The following ASCC1 variants were observed in gnomAD, a reference collection of about 807,000 sequenced individuals.
ASCC1 encodes the protein activating signal cointegrator 1 complex subunit 1, also known as ASC-1 complex subunit P50.
ASCC1 carries 35 observed loss-of-function variants against 46.6 expected under a neutral mutation model. The ratio of observed to expected loss-of-function variants is 0.75; its 90% CI spans 0.57 to 0.99. ASCC1 has a LOEUF of 0.99. ASCC1 is among the 50% of genes least tolerant of loss of function. ASCC1 has a pLI of 0.00. For missense variants in ASCC1, 376 were observed against 428.7 expected, an observed-to-expected ratio of 0.88 and a Z score of 1.09; for synonymous variants, 143 against 146.6, an observed-to-expected ratio of 0.98 and a Z score of 0.18.
Position 72,190,793 on chromosome 10 carries a change from C to T in ASCC1, c.489+6018G>A, listed in dbSNP as rs181194481. ...AAGACAGATCACGAGGTCAAGAGAT[C>T]GAGACCATCCTGGCCAACATGGTGA... On this transcript the variant is annotated intron_variant, in intron 5 of 9. Coordinates refer to ENST00000672957, the MANE Select transcript of ASCC1 (RefSeq NM_001198800.3). Among the ~76,000 whole-genome samples the T allele has an allele frequency of 7.2e-5, 11 of 151,814 alleles. No homozygotes were observed. The East Asian group carries it at 1.8e-3, about 25-fold the overall frequency.
chr10:72,123,877 T>G (rs1249415424), intron 9 of ASCC1, among the ~76,000 whole-genome samples: 1 of 152,246 alleles, frequency 6.6e-6, no homozygotes, highest in African/African-American at 2.4e-5. Flanking sequence ...GTTCATTTTA[T>G]GACTATTTGT....
rs138030710 is a variant in ASCC1 at position 72,196,904 on chromosome 10, G to A, written c.396C>T (p.Pro132=). Residue 132 remains proline, a synonymous_variant, in exon 5 of 10, where the codon CCC becomes CCT. Coordinates refer to ENST00000672957, the MANE Select transcript of ASCC1 (RefSeq NM_001198800.3). ...VLLDTFRRKQ[P]FTHFLAFFLN... ...GGAAAAAGGCAAGGAAGTGAGTGAAGGGCTGCTTTCTTCGAAAAGTGTCCA... is the reference window on the plus strand; with the variant it reads ...GGAAAAAGGCAAGGAAGTGAGTGAAAGGCTGCTTTCTTCGAAAAGTGTCCA... 1.9e-5 allele frequency: 31 copies of A among 1,613,610 alleles called. No homozygotes were observed. In the African/African-American group the frequency reaches 2.5e-4, roughly 13 times the overall value.
chr10:72,117,856 A>G (rs1413311367), intron 9 of ASCC1, among the ~76,000 whole-genome samples: 1 of 152,228 alleles, frequency 6.6e-6, no homozygotes, highest in African/African-American at 2.4e-5. Flanking sequence ...TACTTAAACA[A>G]TGTTAAAATA....
At chr10:72,204,111 G>A (rs772127703) in intron 3 of ASCC1, among the ~76,000 whole-genome samples, 4 of 152,164 alleles carry the variant, frequency 2.6e-5, no homozygotes, top group Non-Finnish European at 2.9e-5. Context: ...AACTGGGTGT[G>A]ACAGCAGGGT....
intron 6 of ASCC1, among the ~76,000 whole-genome samples, chr10:72,157,708 C>A (rs1185458850): frequency 6.6e-6 from 1 of 152,124 alleles, no homozygotes; most frequent in East Asian, 1.9e-4. Context: ...CACTACTGAA[C>A]TATGCACTTA....
chr10:72,121,565 C>T (rs917252444), intron 9 of ASCC1, among the ~76,000 whole-genome samples: 15 of 149,832 alleles, frequency 1.0e-4, no homozygotes, highest in Non-Finnish European at 1.8e-4. Context: ...AAAGATATAC[C>T]ATTCTAACAC....
chr10:72,133,641 A>G, intron 7 of ASCC1: 1 of 236,990 alleles, frequency 4.2e-6, no homozygotes, highest in East Asian at 1.1e-4. Context: ...GTGACAGAAA[A>G]GGGACAATGG....
In ASCC1 at chr10:72,153,123, T is replaced by C. The variant is rs1296752323; in HGVS notation, c.627-135A>G. On this transcript the variant is annotated intron_variant, in intron 6 of 9. Coordinates refer to ENST00000672957, the MANE Select transcript of ASCC1 (RefSeq NM_001198800.3). Reference sequence around the variant, plus strand: ...GTACAAAAACATGGTAGTTGTGTTTTTTCCTAACATTATCTAATTGCCCTT... The same window carrying C: ...GTACAAAAACATGGTAGTTGTGTTTCTTCCTAACATTATCTAATTGCCCTT... The C allele has an allele frequency of 3.5e-6, 4 of 1,141,636 alleles. No homozygotes were observed. In the East Asian group the frequency reaches 7.6e-5, roughly 22 times the overall value. 70.7% of individuals were successfully genotyped at this position (1,141,636 alleles called of 1,614,324 possible).
At chr10:72,118,740 T>C (rs936671120) in intron 9 of ASCC1, among the ~76,000 whole-genome samples, 10 of 150,260 alleles carry the variant, frequency 6.7e-5, no homozygotes, top group Non-Finnish European at 1.5e-4. Context: ...GATCGCACCA[T>C]TGCACTCCAG....
chr10:72,187,403 A>G (rs1853621556), intron 5 of ASCC1, among the ~76,000 whole-genome samples: 1 of 152,068 alleles, frequency 6.6e-6, no homozygotes, highest in Non-Finnish European at 1.5e-5. Flanking sequence ...GGAGATCGAG[A>G]CCATGACGGC....
intron 5 of ASCC1, among the ~76,000 whole-genome samples, chr10:72,162,497 G>A (rs113707145): frequency 6.6e-5 from 10 of 151,734 alleles, no homozygotes; most frequent in African/African-American, 2.2e-4. Flanking sequence ...TAAGAGACTG[G>A]GTCTTGCTGT....
At chr10:72,106,743 A>C (rs1842384923) in intron 9 of ASCC1, among the ~76,000 whole-genome samples, 1 of 152,208 alleles carries the variant, frequency 6.6e-6, no homozygotes, top group Non-Finnish European at 1.5e-5. Flanking sequence ...CTCCAAAAAA[A>C]TTGCTATGAT....
intron 9 of ASCC1, among the ~76,000 whole-genome samples, chr10:72,112,456 TG>T (rs1367192659): frequency 6.6e-6 from 1 of 151,866 alleles, no homozygotes; most frequent in East Asian, 1.9e-4. Context: ...AGTTTTAATT[TG>T]GAATGATGAA....
intron 9 of ASCC1, among the ~76,000 whole-genome samples, chr10:72,100,530 T>A (rs746211169): frequency 1.2e-4 from 18 of 151,308 alleles, no homozygotes; most frequent in South Asian, 8.4e-4. Flanking sequence ...CCCAGCCTAT[T>A]ATATCTTTAT....
intron 5 of ASCC1, among the ~76,000 whole-genome samples, chr10:72,187,890 C>T (rs112707766): frequency 0.15 from 21,447 of 147,264 alleles, 4,376 homozygotes; most frequent in African/African-American, 0.46. Flanking sequence ...GAGGCAGAGC[C>T]TGCAGTGAGC....
intron 7 of ASCC1, among the ~76,000 whole-genome samples, chr10:72,143,205 G>A (rs1847240893): frequency 6.6e-6 from 1 of 150,410 alleles, no homozygotes; most frequent in South Asian, 2.1e-4. Context: ...GTTATTAAAT[G>A]TGTTTTGTCA....
At chr10:72,209,771 G>A (rs1857782691) in intron 3 of ASCC1, among the ~76,000 whole-genome samples, 1 of 152,122 alleles carries the variant, frequency 6.6e-6, no homozygotes, top group Non-Finnish European at 1.5e-5. Flanking sequence ...GCGAAAGAGC[G>A]AAACTCTGTC....
chr10:72,191,336 A>G (rs1854466746), intron 5 of ASCC1, among the ~76,000 whole-genome samples: 1 of 151,588 alleles, frequency 6.6e-6, no homozygotes, highest in Admixed American at 6.6e-5. Flanking sequence ...AAGTGCTGGG[A>G]TTACAGGCAT....
chr10:72,203,861 T>TA (rs2133384515), intron 3 of ASCC1, among the ~76,000 whole-genome samples: 1 of 152,252 alleles, frequency 6.6e-6, no homozygotes, highest in East Asian at 1.9e-4. Flanking sequence ...CTCACACCTG[T>TA]AATCCCTGCT....
Sources: gnomAD v4.1 joint callset for allele counts (sites outside exome capture counted in the v4.1 genomes callset) on GRCh38, gnomAD v4.1.1 for gene constraint, MANE v1.5 for transcripts, NCBI Gene and HGNC (gene_info 2026-07-23, HGNC 2026-07-21) for gene names.